The following TANC2 variants were observed in gnomAD, a reference collection of about 807,000 sequenced individuals.
The protein encoded by TANC2 is protein TANC2.
TANC2 carries 26 observed loss-of-function variants against 210.5 expected under a neutral mutation model. That is an observed-to-expected ratio of 0.12 (90% CI 0.09 to 0.17). The LOEUF (loss-of-function observed/expected upper bound fraction) is 0.17. TANC2 is among the 10% of genes least tolerant of loss of function. The probability of loss-of-function intolerance (pLI) is 1.00; values close to 1 mark genes in which losing one functional copy is unlikely to be tolerated. For missense variants in TANC2, 2,129 were observed against 2,608.9 expected (o/e 0.82, Z 4.01); for synonymous variants, 931 against 967.1 (o/e 0.96, Z 0.69).
chr17:63,176,064 G>C (rs1464732249), intron 5 of TANC2, among the ~76,000 whole-genome samples: 2 of 152,224 alleles, frequency 1.3e-5, no homozygotes, highest in Non-Finnish European at 2.9e-5. Context: ...GTGTTGGCGA[G>C]AATATGGAGG....
intron 14 of TANC2, among the ~76,000 whole-genome samples, chr17:63,361,345 C>T (rs2046952436): frequency 6.6e-6 from 1 of 152,212 alleles, no homozygotes; most frequent in Non-Finnish European, 1.5e-5. Context: ...GATCCCACAC[C>T]TCCCAAGGGT....
exon 6 of TANC2, chr17:63,194,042 A>G: frequency 6.2e-7 from 1 of 1,613,334 alleles, no homozygotes. Flanking sequence ...GAGGCAGCAA[A>G]CACACTCATG....
chr17:63,118,155 T>C (rs1598424323), intron 4 of TANC2, among the ~76,000 whole-genome samples: 1 of 152,178 alleles, frequency 6.6e-6, no homozygotes, highest in African/African-American at 2.4e-5. Flanking sequence ...AATAACAATA[T>C]GGAAATCTAG....
chr17:63,204,684 C>T (rs1206106823), intron 7 of TANC2, among the ~76,000 whole-genome samples: 2 of 152,078 alleles, frequency 1.3e-5, no homozygotes, highest in African/African-American at 4.8e-5. Flanking sequence ...TCTTAAAGGA[C>T]TCTAAATAGC....
intron 9 of TANC2, among the ~76,000 whole-genome samples, chr17:63,297,697 C>CA (rs933069329): frequency 2.6e-5 from 4 of 151,814 alleles, no homozygotes; most frequent in Admixed American, 2.6e-4. Flanking sequence ...CAGCAGTAAC[C>CA]AAAAAATAAG....
In TANC2 at chr17:63,285,783, G is replaced by A. The variant is rs9894969; in HGVS notation, c.1159+17910G>A. Among the ~76,000 whole-genome samples the A allele has an allele frequency of 4.3e-3, 655 of 152,224 alleles. 5 individuals are homozygous for A. Among genetic ancestry groups the A allele is most frequent in the African/African-American group, 0.014 (570 of 41,532 alleles). On this transcript the variant is annotated intron_variant, in intron 9 of 27. Coordinates refer to ENST00000689528, the Ensembl canonical transcript of TANC2. ...TTCATGACCCAAGATTTTTATTGGC[G>A]TGTGGTCATACAGACCCCCACCTTG... is the stretch of plus-strand genomic sequence containing the variant.
intron 9 of TANC2, among the ~76,000 whole-genome samples, chr17:63,279,626 T>G (rs1183674511): frequency 6.6e-6 from 1 of 152,088 alleles, no homozygotes; most frequent in Non-Finnish European, 1.5e-5. Flanking sequence ...AACCCCATGC[T>G]TTTATATAGC....
At chr17:63,233,754 A>G (rs1428611475) in intron 7 of TANC2, among the ~76,000 whole-genome samples, 1 of 152,112 alleles carries the variant, frequency 6.6e-6, no homozygotes, top group South Asian at 2.1e-4. Flanking sequence ...CCCACCTCCA[A>G]AGTTTTAGTC....
chr17:63,051,756 G>T (rs986019238), intron 2 of TANC2, among the ~76,000 whole-genome samples: 1 of 152,096 alleles, frequency 6.6e-6, no homozygotes, highest in Non-Finnish European at 1.5e-5. Context: ...TGAATTACAT[G>T]AAACAGTCAA....
intron 11 of TANC2, among the ~76,000 whole-genome samples, chr17:63,323,285 T>C (rs1473007057): frequency 1.3e-5 from 2 of 152,270 alleles, no homozygotes; most frequent in African/African-American, 4.8e-5. Context: ...ATCATTGGTA[T>C]TTCATAACAT....
At chr17:63,125,431 G>GT (rs975532523) in intron 4 of TANC2, among the ~76,000 whole-genome samples, 7 of 152,064 alleles carry the variant, frequency 4.6e-5, no homozygotes, top group African/African-American at 7.2e-5. Flanking sequence ...AAGGGAAGCC[G>GT]TTTTTTACCT....
chr17:63,065,472 T>G (rs528666650), intron 2 of TANC2, among the ~76,000 whole-genome samples: 1 of 152,368 alleles, frequency 6.6e-6, no homozygotes, highest in South Asian at 2.1e-4. Flanking sequence ...TTTTAAAATT[T>G]TTAAGGAACC....
intron 5 of TANC2, among the ~76,000 whole-genome samples, chr17:63,160,233 A>G (rs2039979719): frequency 6.6e-6 from 1 of 152,190 alleles, no homozygotes; most frequent in Non-Finnish European, 1.5e-5. Context: ...AGTCCATAAT[A>G]CGTACTTTTA....
chr17:63,267,907 G>A, intron 9 of TANC2, 34 bp downstream of exon 9: 2 of 1,572,094 alleles, frequency 1.3e-6, no homozygotes, highest in Non-Finnish European at 1.7e-6. Flanking sequence ...AGGGTGCCCG[G>A]GAACAGATGG....
chr17:63,271,635 G>A (rs1445200313), intron 9 of TANC2, among the ~76,000 whole-genome samples: 2 of 132,998 alleles, frequency 1.5e-5, no homozygotes, highest in Non-Finnish European at 3.1e-5. Flanking sequence ...ACAGGCCCCA[G>A]TATGTGATGT....
chr17:63,105,158 A>G lies in TANC2; in HGVS notation c.322+5801A>G, dbSNP rs897656880. 3.3e-5 allele frequency among the ~76,000 whole-genome samples: 5 copies of G among 151,716 alleles called. 1 individual carries two copies. The highest frequency in any genetic ancestry group is 1.2e-4 in the African/African-American group (5 of 40,994). The stretch of plus-strand genomic sequence containing the variant: ...AGTCAGTCTACTTTTCTGAGGAGTA[A>G]TCTTCAAATACCAACATCAAATAGA... On this transcript the variant is annotated intron_variant, in intron 4 of 27. Coordinates refer to ENST00000689528, the Ensembl canonical transcript of TANC2.
intron 5 of TANC2, among the ~76,000 whole-genome samples, chr17:63,170,619 T>G (rs2040372526): frequency 6.6e-6 from 1 of 152,158 alleles, no homozygotes; most frequent in Admixed American, 6.5e-5. Context: ...TATTTTGTGC[T>G]CACAATGAAG....
chr17:63,152,392 C>T (rs946950977), intron 5 of TANC2: 1 of 151,978 alleles, frequency 6.6e-6, no homozygotes, highest in African/African-American at 2.4e-5. Flanking sequence ...TGGGCCAAAC[C>T]TCATAAAATG....
intron 7 of TANC2, among the ~76,000 whole-genome samples, chr17:63,215,551 A>G (rs1000117306): frequency 2.0e-5 from 3 of 152,150 alleles, no homozygotes; most frequent in Admixed American, 6.5e-5. Flanking sequence ...GAGTTAATCA[A>G]CAGTGACCAA....
Sources: gnomAD v4.1 joint callset for allele counts (sites outside exome capture counted in the v4.1 genomes callset) on GRCh38, gnomAD v4.1.1 for gene constraint, MANE v1.5 for transcripts, NCBI Gene and HGNC (gene_info 2026-07-23, HGNC 2026-07-21) for gene names.